Variants in SCO1 observed in about 807,000 individuals in gnomAD.
SCO1 encodes cytochrome c oxidase assembly factor SCO1.
SCO1 carries 23 observed loss-of-function variants against 34.0 expected under a neutral mutation model. The observed-to-expected ratio is 0.68, with a 90% CI of 0.49 to 0.96. SCO1 has a LOEUF of 0.96. Ranked by LOEUF, SCO1 falls within the 40% of genes least tolerant of loss-of-function variation. The probability of loss-of-function intolerance (pLI) is 0.00; values close to 1 mark genes in which losing one functional copy is unlikely to be tolerated. For synonymous variants in SCO1, 161 were observed against 145.5 expected (o/e 1.11, Z -0.77); for missense variants, 404 against 381.6 (o/e 1.06, Z -0.49).
chr17:10,697,504 C>A lies in SCO1; in HGVS notation c.4G>T (p.Ala2Ser), dbSNP rs770736497. The change falls in exon 1 of 6, where the codon GCG becomes TCG. Residue 2 changes from alanine (A) to serine (S), a missense_variant. Coordinates refer to ENST00000255390, the MANE Select transcript of SCO1 (RefSeq NM_004589.4). ...CGTCCGGGTACTAGGACCAGCATCGCCATGAGCCTCGGAGACCGGGTCTCC... is the reference window on the plus strand; with the variant it reads ...CGTCCGGGTACTAGGACCAGCATCGACATGAGCCTCGGAGACCGGGTCTCC... Reference protein sequence around the residue: MAMLVLVPGRVM... With the variant: MSMLVLVPGRVM... 122 of 1,613,220 alleles carry A rather than the reference C, an allele frequency of 7.6e-5. No homozygotes were observed. The highest frequency in any genetic ancestry group is 9.3e-5 in the Non-Finnish European group (110 of 1,179,912).
chr17:10,688,156 A>T (rs374879921), intron 4 of SCO1, among the ~76,000 whole-genome samples: 7 of 152,242 alleles, frequency 4.6e-5, no homozygotes, highest in Non-Finnish European at 1.0e-4. Context: ...CAAACTGATA[A>T]ATTTGGACTT....
At chr17:10,681,404 A>T (rs1348380367) in intron 5 of SCO1, 151 bp from the exon 6 acceptor site, 5 of 859,138 alleles carry the variant, frequency 5.8e-6, no homozygotes, top group Middle Eastern at 3.5e-4. Flanking sequence ...TAAGTCTATC[A>T]TAGCAAATTC....
At position 10,672,783 on chromosome 17, in the gene SCO1, C is replaced by T. The variant is rs2074554804; in HGVS notation, c.*8336G>A. On this transcript the variant is annotated 3_prime_UTR_variant, in exon 6 of 6. Transcript: ENST00000255390. ...TTTTCCAAAATTTTATAATTTTCTT[C>T]CCCTGGATCTGAGTCATTATTACAT... 1 of 152,136 alleles carries T rather than the reference C, an allele frequency of 6.6e-6. No individual in the cohort carries two copies. Among genetic ancestry groups the T allele is most frequent in the Non-Finnish European group, 1.5e-5 (1 of 68,034 alleles). 9.4% of individuals were successfully genotyped at this position (152,136 alleles called of 1,614,324 possible). A position where few individuals can be genotyped will look rare whatever the true frequency, so the allele number is the denominator to read the frequency against.
At chr17:10,693,939 T>A (rs1394181719) in intron 2 of SCO1, among the ~76,000 whole-genome samples, 1 of 152,214 alleles carries the variant, frequency 6.6e-6, no homozygotes, top group African/African-American at 2.4e-5. Context: ...AATACATTGA[T>A]AGTGGGATGG....
Position 10,675,940 on chromosome 17 carries a change from G to A in SCO1, c.*5179C>T, listed in dbSNP as rs200554948. ...CATGGAGACAACACATCCCCACAACGAACTGCATCATAGCTCCTTGAAATC... is the reference window on the plus strand; with the variant it reads ...CATGGAGACAACACATCCCCACAACAAACTGCATCATAGCTCCTTGAAATC... On this transcript the variant is annotated 3_prime_UTR_variant, in exon 6 of 6. Transcript: ENST00000255390. 3 of 152,172 alleles carry A rather than the reference G, an allele frequency of 2.0e-5. No homozygotes were observed. The East Asian group carries it at 5.8e-4, about 29-fold the overall frequency. 9.4% of individuals were successfully genotyped at this position (152,172 alleles called of 1,614,324 possible).
Position 10,680,339 on chromosome 17 carries a change from A to C in SCO1, c.*780T>G, listed in dbSNP as rs755888227. On this transcript the variant is annotated 3_prime_UTR_variant, in exon 6 of 6. Coordinates refer to ENST00000255390, the MANE Select transcript of SCO1 (RefSeq NM_004589.4). Reference sequence around the variant, plus strand: ...CCATGAAAAAGATCACGCTTGTCTGAACAGCAAAACTGAGTATGTTTACTT... The same window carrying C: ...CCATGAAAAAGATCACGCTTGTCTGCACAGCAAAACTGAGTATGTTTACTT... The C allele has an allele frequency of 1.3e-5, 2 of 152,590 alleles. No homozygotes were observed. The highest frequency in any genetic ancestry group is 2.9e-5 in the Non-Finnish European group (2 of 68,350). The allele number at this position is 152,590 out of a possible 1,614,324, so 9.5% of individuals were successfully genotyped here.
At chr17:10,682,568 C>T (rs757451416) in intron 5 of SCO1, among the ~76,000 whole-genome samples, 17 of 152,134 alleles carry the variant, frequency 1.1e-4, no homozygotes, top group Non-Finnish European at 2.4e-4. Context: ...AAACAAACTA[C>T]AGTATGTGGG....
intron 5 of SCO1, among the ~76,000 whole-genome samples, 162 bp from the exon 6 acceptor site, chr17:10,681,415 C>T (rs1266014991): frequency 5.9e-5 from 9 of 152,208 alleles, no homozygotes; most frequent in Non-Finnish European, 8.8e-5. Flanking sequence ...TAGCAAATTC[C>T]TAACAAAAAT....
chr17:10,695,034 G>C (rs1010936007), intron 2 of SCO1, among the ~76,000 whole-genome samples: 4 of 152,118 alleles, frequency 2.6e-5, no homozygotes, highest in Admixed American at 1.3e-4. Context: ...AAAAGTCCTA[G>C]GATATTCACT....
intron 2 of SCO1, 86 bp from the exon 3 acceptor site, chr17:10,693,047 T>C (rs2074700035): frequency 3.6e-6 from 4 of 1,126,610 alleles, no homozygotes; most frequent in African/African-American, 1.5e-5. Flanking sequence ...GCCCGTACTA[T>C]GCTACTCATG....
At chr17:10,692,044 G>C in intron 3 of SCO1, 80 bp from the exon 4 acceptor site, 1 of 952,532 alleles carries the variant, frequency 1.0e-6, no homozygotes, top group Non-Finnish European at 1.7e-6. Flanking sequence ...GGAGAGTATA[G>C]GACGTGCTGG....
At chr17:10,694,625 A>G (rs1312168029) in intron 2 of SCO1, among the ~76,000 whole-genome samples, 1 of 152,192 alleles carries the variant, frequency 6.6e-6, no homozygotes, top group East Asian at 1.9e-4. Context: ...AAATACTCTC[A>G]AATTATTTAG....
At chr17:10,689,855 A>G (rs1178111967) in intron 4 of SCO1, among the ~76,000 whole-genome samples, 1 of 152,206 alleles carries the variant, frequency 6.6e-6, no homozygotes, top group Non-Finnish European at 1.5e-5. Flanking sequence ...TACTGGCATA[A>G]AAACAGACAC....
At chr17:10,689,024 G>A (rs1213194720) in intron 4 of SCO1, among the ~76,000 whole-genome samples, 2 of 143,760 alleles carry the variant, frequency 1.4e-5, no homozygotes, top group African/African-American at 2.9e-5. Flanking sequence ...GCTGAGGCAG[G>A]AGAATGGCGT....
rs983456565 is a variant in SCO1 at position 10,673,298 on chromosome 17, C to T, written c.*7821G>A. ...GCATCCCAGAGGCACTCTCCAGGGC[C>T]TACTTTTTATATCCCTCGTACTCAG... On this transcript the variant is annotated 3_prime_UTR_variant, in exon 6 of 6. Transcript: ENST00000255390. The T allele has an allele frequency of 1.3e-5, 2 of 152,220 alleles. No individual in the cohort carries two copies. The highest frequency in any genetic ancestry group is 4.8e-5 in the African/African-American group (2 of 41,446). The allele number at this position is 152,220 out of a possible 1,614,324, so 9.4% of individuals were successfully genotyped here. A position where few individuals can be genotyped will look rare whatever the true frequency, so the allele number is the denominator to read the frequency against.
At chr17:10,695,938 G>A (rs2074720316) in intron 1 of SCO1, 107 bp from the exon 2 acceptor site, 2 of 805,656 alleles carry the variant, frequency 2.5e-6, no homozygotes. Context: ...AGGCCATGAT[G>A]TTAAATGTGC....
In SCO1 at chr17:10,697,316, G is replaced by GGC; in HGVS notation, c.191_192insGC (p.Arg65ProfsTer35). ...GCGGCCTCGCAGTGCTGAGGGGCCG[G>GGC]GTTCCCAGGCAATAGCCAGGGCGCC... On this transcript the variant is annotated frameshift_variant, in exon 1 of 6. Coordinates refer to ENST00000255390, the MANE Select transcript of SCO1 (RefSeq NM_004589.4). LOFTEE classifies it high-confidence loss of function. 10 of 1,568,900 alleles carry GGC rather than the reference G, an allele frequency of 6.4e-6. No homozygotes were observed. Among genetic ancestry groups the GGC allele is most frequent in the Non-Finnish European group, 8.6e-6 (10 of 1,157,650 alleles).
At chr17:10,695,650 CA>C (rs2074716641) in intron 2 of SCO1, 90 bp downstream of exon 2, 1 of 976,698 alleles carries the variant, frequency 1.0e-6, no homozygotes. Flanking sequence ...AAAGTTGTTT[CA>C]AAACAAAAAG....
intron 1 of SCO1, among the ~76,000 whole-genome samples, chr17:10,696,675 TA>T (rs1456597408): frequency 2.2e-5 from 3 of 137,898 alleles, no homozygotes; most frequent in African/African-American, 1.0e-4. Flanking sequence ...GTTGGCCAAC[TA>T]GACTAGGCCT....
Sources: gnomAD v4.1 joint callset for allele counts (sites outside exome capture counted in the v4.1 genomes callset) on GRCh38, gnomAD v4.1.1 for gene constraint, MANE v1.5 for transcripts, NCBI Gene and HGNC (gene_info 2026-07-23, HGNC 2026-07-21) for gene names.